The following PCDHGA9 variants were observed in gnomAD, a reference collection of about 807,000 sequenced individuals.
PCDHGA9 encodes the protein protocadherin gamma subfamily A, 9, also known as protocadherin gamma-A9.
PCDHGA9 carries 37 observed loss-of-function variants against 62.5 expected under a neutral mutation model. That is an observed-to-expected ratio of 0.59 (90% CI 0.46 to 0.78). The LOEUF is 0.78. PCDHGA9 is among the 30% of genes least tolerant of loss of function. PCDHGA9 has a pLI of 0.00. For synonymous variants in PCDHGA9, 459 were observed against 484.6 expected, an observed-to-expected ratio of 0.95 and a Z score of 0.69; for missense variants, 1,138 against 1,166.2, an observed-to-expected ratio of 0.98 and a Z score of 0.35.
At chr5:141,500,446 T>C (rs2099800320) in intron 2 of PCDHGA9, among the ~76,000 whole-genome samples, 1 of 152,002 alleles carries the variant, frequency 6.6e-6, no homozygotes, top group South Asian at 2.1e-4. Context: ...CCTGACCTCG[T>C]GATCCGCCCG....
chr5:141,472,095 C>T (rs1186697747), intron 1 of PCDHGA9, among the ~76,000 whole-genome samples: 1 of 151,998 alleles, frequency 6.6e-6, no homozygotes, highest in African/African-American at 2.4e-5. Flanking sequence ...TATTATTATT[C>T]CCATTTTATA....
chr5:141,476,455 G>C lies in PCDHGA9; in HGVS notation c.2425-18352G>C, dbSNP rs572682842. On this transcript the variant is annotated intron_variant, in intron 1 of 3. Transcript: ENST00000573521. The surrounding 1 kb of genome is among the most constrained non-coding windows in gnomAD (Gnocchi z 7.6). ...CTGTAACTCTGGAGTTGGTAGTGGA[G>C]AACCCGCTGGAGCTGTTCAGCGTGG... 22 of 1,614,152 alleles carry C rather than the reference G, an allele frequency of 1.4e-5. No homozygotes were observed. In the South Asian group the frequency reaches 2.4e-4, roughly 18 times the overall value.
intron 1 of PCDHGA9, 32 bp downstream of exon 1, chr5:141,405,408 TTTTTTTG>T (rs2094659443): frequency 2.5e-6 from 4 of 1,572,390 alleles, no homozygotes; most frequent in African/African-American, 1.4e-5. Flanking sequence ...CTTTCTTTTC[TTTTTTTG>T]TTTTTTGTTT....
intron 2 of PCDHGA9, among the ~76,000 whole-genome samples, chr5:141,499,022 A>C (rs1244590420): frequency 2.7e-5 from 4 of 150,722 alleles, no homozygotes; most frequent in Admixed American, 2.0e-4. Context: ...GGAAGGAAGG[A>C]AGGAAGAAAA....
chr5:141,496,888 T>TA (rs35063790), intron 2 of PCDHGA9, among the ~76,000 whole-genome samples: 34,968 of 133,936 alleles, frequency 0.26, 4,377 homozygotes, highest in Admixed American at 0.34. Flanking sequence ...AAGTAACACT[T>TA]AAAAAAAAAA....
At position 141,432,119 on chromosome 5, in the gene PCDHGA9, C is replaced by T. The variant is rs1273427353; in HGVS notation, c.2424+26743C>T. On this transcript the variant is annotated intron_variant, in intron 1 of 3. Transcript: ENST00000573521. The surrounding 1 kb of genome is among the most constrained non-coding windows in gnomAD (Gnocchi z 6.0). ...CAACGACAACCCGCCGGTCTTCCCT[C>T]AGGCCTCCTATTCCGCTTATATCCC... is the stretch of plus-strand genomic sequence containing the variant. 7 of 1,614,184 alleles carry T rather than the reference C, an allele frequency of 4.3e-6. No homozygotes were observed. Among genetic ancestry groups the T allele is most frequent in the Non-Finnish European group, 5.9e-6 (7 of 1,180,032 alleles).
At chr5:141,408,784 A>G (rs777838376) in intron 1 of PCDHGA9, 2 of 1,612,506 alleles carry the variant, frequency 1.2e-6, no homozygotes, top group Admixed American at 1.7e-5. Context: ...ACCCAGAGTT[A>G]TCTCTGGAGA....
rs144113016 is a variant in PCDHGA9 at position 141,428,135 on chromosome 5, G to T, written c.2424+22759G>T. On this transcript the variant is annotated intron_variant, in intron 1 of 3. Coordinates refer to ENST00000573521, the MANE Select transcript of PCDHGA9 (RefSeq NM_018921.3). Reference sequence around the variant, plus strand: ...CCATCGAGCCCGGGCTTTTCAGCCTGGGGCTGCACACGGGAACCTGCTGGT... The same window carrying T: ...CCATCGAGCCCGGGCTTTTCAGCCTTGGGCTGCACACGGGAACCTGCTGGT... 347 of 1,601,046 alleles carry T rather than the reference G, an allele frequency of 2.2e-4. No homozygotes were observed. The African/African-American group carries it at 3.9e-3, about 18-fold the overall frequency.
chr5:141,423,338 T>A, intron 1 of PCDHGA9: 1 of 1,614,150 alleles, frequency 6.2e-7, no homozygotes, highest in Middle Eastern at 1.6e-4. Flanking sequence ...GTCTCCTGCA[T>A]CTTCCTGGTC....
At chr5:141,430,829 T>A (rs763916884) in intron 1 of PCDHGA9, 1 of 1,554,558 alleles carries the variant, frequency 6.4e-7, no homozygotes, top group Non-Finnish European at 8.7e-7. Context: ...GGGGACTCTG[T>A]GGGAGACCGG....
intron 1 of PCDHGA9, chr5:141,440,587 A>G (rs566819394): frequency 1.3e-5 from 2 of 152,392 alleles, no homozygotes; most frequent in East Asian, 3.9e-4. Flanking sequence ...CCCAGCTGGA[A>G]CAAGATTTGC....
chr5:141,491,138 C>T lies in PCDHGA9; in HGVS notation c.2425-3669C>T. The T allele has an allele frequency of 1.2e-6, 2 of 1,614,106 alleles. No individual in the cohort carries two copies. The highest frequency in any genetic ancestry group is 1.7e-6 in the Non-Finnish European group (2 of 1,179,962). On this transcript the variant is annotated intron_variant, in intron 1 of 3. Transcript: ENST00000573521. The surrounding 1 kb of genome is among the most constrained non-coding windows in gnomAD (Gnocchi z 6.9). ...ACTGGTGAGGTGCGCACAGCCCGGG[C>T]CTTACTGGAGGATGACTCTGACACC...
Position 141,456,465 on chromosome 5 carries a change from C to T in PCDHGA9, c.2425-38342C>T, listed in dbSNP as rs553441797. ...ACAGAGTCCAAATATCAATACAAGA[C>T]ATATAAGCAAGAGAGTGCTTAATAA... On this transcript the variant is annotated intron_variant, in intron 1 of 3. Coordinates refer to ENST00000573521, the MANE Select transcript of PCDHGA9 (RefSeq NM_018921.3). 2.6e-5 allele frequency among the ~76,000 whole-genome samples: 4 copies of T among 152,212 alleles called. No homozygotes were observed. In the East Asian group the frequency reaches 7.7e-4, roughly 29 times the overall value.
At chr5:141,455,282 A>C (rs1307886349) in intron 1 of PCDHGA9, among the ~76,000 whole-genome samples, 1 of 152,056 alleles carries the variant, frequency 6.6e-6, no homozygotes, top group Non-Finnish European at 1.5e-5. Flanking sequence ...TATTAACATC[A>C]CTTTACATAG....
chr5:141,406,976 A>G (rs773444464), intron 1 of PCDHGA9, among the ~76,000 whole-genome samples: 12 of 152,244 alleles, frequency 7.9e-5, no homozygotes, highest in Non-Finnish European at 1.8e-4. Flanking sequence ...AGTAAATAAC[A>G]TTTCACAAGA....
At chr5:141,456,404 G>A (rs935040352) in intron 1 of PCDHGA9, among the ~76,000 whole-genome samples, 4 of 152,104 alleles carry the variant, frequency 2.6e-5, no homozygotes, top group Non-Finnish European at 4.4e-5. Flanking sequence ...TTGCTTCTAG[G>A]CGAGAAGAAA....
chr5:141,413,014 A>T, intron 1 of PCDHGA9: 1 of 663,842 alleles, frequency 1.5e-6, no homozygotes, highest in Non-Finnish European at 2.4e-6. Context: ...CTTCAACTAC[A>T]CAAGCCCCAC....
rs185055424 is a variant in PCDHGA9, at chr5:141,457,894, G to A, written c.2425-36913G>A. Among the ~76,000 whole-genome samples the A allele has an allele frequency of 3.2e-3, 488 of 152,332 alleles. 1 individual carries two copies. Among genetic ancestry groups the A allele is most frequent in the Non-Finnish European group, 5.0e-3 (342 of 68,028 alleles). On this transcript the variant is annotated intron_variant, in intron 1 of 3. Transcript: ENST00000573521. ...GTTAGGAACCCTGTGTGGGGACTGT[G>A]TAGACAAGGTGTGAGGCCAGTTCTC...
At chr5:141,502,739 A>C (rs1287180048) in intron 2 of PCDHGA9, among the ~76,000 whole-genome samples, 1 of 152,070 alleles carries the variant, frequency 6.6e-6, no homozygotes, top group Non-Finnish European at 1.5e-5. Flanking sequence ...ATGTTCTGTC[A>C]TTCCTTCTAC....
Sources: allele counts gnomAD v4.1 joint callset (sites outside exome capture counted in the v4.1 genomes callset), GRCh38; gene constraint gnomAD v4.1.1; non-coding constraint Gnocchi (gnomAD v3.1); transcripts MANE v1.5; gene names NCBI Gene and HGNC (gene_info 2026-07-23, HGNC 2026-07-21).